Variants in SLC24A2 observed in about 807,000 individuals in gnomAD.
SLC24A2 encodes the protein sodium/potassium/calcium exchanger 2.
Under a neutral mutation model 62.0 loss-of-function variants are expected in SLC24A2, and 36 were observed. The observed-to-expected ratio is 0.58, with a 90% confidence interval of 0.44 to 0.77. The LOEUF is 0.77. Ranked by LOEUF, SLC24A2 falls within the 30% of genes least tolerant of loss-of-function variation. The pLI is 0.00. For synonymous variants in SLC24A2, 358 were observed against 294.0 expected, an observed-to-expected ratio of 1.22 and a Z score of -2.23; for missense variants, 846 against 817.9, an observed-to-expected ratio of 1.03 and a Z score of -0.42.
At chr9:19,839,893 T>G in the SLC24A2 span, among the ~76,000 whole-genome samples, 8 of 152,332 alleles carry the variant, frequency 5.3e-5, no homozygotes, top group African/African-American at 1.7e-4. Flanking sequence ...GCATATACTG[T>G]ACAGGTTTGT....
the SLC24A2 span, among the ~76,000 whole-genome samples, chr9:20,261,760 G>C: frequency 2.6e-4 from 9 of 33,972 alleles, no homozygotes; most frequent in African/African-American, 1.7e-3. Flanking sequence ...TTTTTTTTGA[G>C]ACTGAGTCTC....
intron 9 of SLC24A2, among the ~76,000 whole-genome samples, chr9:19,527,339 T>A (rs756877003): frequency 1.3e-5 from 2 of 152,338 alleles, no homozygotes; most frequent in East Asian, 1.9e-4. Context: ...CTTAACTTCT[T>A]TATCTGTAAA....
chr9:20,012,601 C>G, the SLC24A2 span, among the ~76,000 whole-genome samples: 36 of 152,102 alleles, frequency 2.4e-4, no homozygotes, highest in Admixed American at 2.4e-3. Flanking sequence ...AAAATTGTCT[C>G]TATTGGATGA....
chr9:19,829,695 T>C, the SLC24A2 span, among the ~76,000 whole-genome samples: 2 of 151,270 alleles, frequency 1.3e-5, no homozygotes, highest in Non-Finnish European at 2.9e-5. Context: ...TGTACCACTG[T>C]TCCAGGCTGG....
At chr9:19,934,429 C>T in the SLC24A2 span, among the ~76,000 whole-genome samples, 1 of 152,110 alleles carries the variant, frequency 6.6e-6, no homozygotes, top group African/African-American at 2.4e-5. The surrounding 1 kb of genome is among the most constrained non-coding windows in gnomAD (Gnocchi z 4.1). Context: ...CCCGGACCCC[C>T]GCGCACCCCC....
At chr9:19,719,202 C>T (rs950671586) in intron 2 of SLC24A2, among the ~76,000 whole-genome samples, 25 of 152,148 alleles carry the variant, frequency 1.6e-4, no homozygotes, top group African/African-American at 6.0e-4. Flanking sequence ...CACTCTTTTC[C>T]TTGGTTACTA....
At chr9:20,029,740 G>A in the SLC24A2 span, among the ~76,000 whole-genome samples, 1 of 152,338 alleles carries the variant, frequency 6.6e-6, no homozygotes, top group South Asian at 2.1e-4. Context: ...TTCCATGTTA[G>A]AAGCAGCATT....
the SLC24A2 span, among the ~76,000 whole-genome samples, chr9:20,024,524 G>A: frequency 3.3e-5 from 5 of 152,118 alleles, no homozygotes; most frequent in Non-Finnish European, 4.4e-5. Flanking sequence ...TAATTGGTTC[G>A]CACTCAGCCC....
chr9:20,164,666 T>G, the SLC24A2 span, among the ~76,000 whole-genome samples: 1 of 151,976 alleles, frequency 6.6e-6, no homozygotes, highest in East Asian at 2.0e-4. Context: ...ATCATGCTGC[T>G]ATAAAGACAC....
the SLC24A2 span, among the ~76,000 whole-genome samples, chr9:20,003,142 G>A: frequency 2.0e-5 from 3 of 152,166 alleles, no homozygotes; most frequent in Non-Finnish European, 4.4e-5. Flanking sequence ...TATATGAGAG[G>A]ATTCCCCCAA....
chr9:19,583,562 T>C (rs571718030), intron 5 of SLC24A2, among the ~76,000 whole-genome samples: 1 of 152,264 alleles, frequency 6.6e-6, no homozygotes, highest in Admixed American at 6.5e-5. Context: ...GTGTTCATGG[T>C]TTCTAGGCAA....
chr9:20,011,671 T>C, the SLC24A2 span, among the ~76,000 whole-genome samples: 4 of 152,102 alleles, frequency 2.6e-5, no homozygotes, highest in Non-Finnish European at 5.9e-5. Flanking sequence ...ATTTCCCAAT[T>C]TGGGGAAAGA....
chr9:19,942,506 G>C, the SLC24A2 span, among the ~76,000 whole-genome samples: 2 of 152,150 alleles, frequency 1.3e-5, no homozygotes, highest in African/African-American at 4.8e-5. Flanking sequence ...CACAATCCAG[G>C]TGGTGGGTAC....
chr9:19,994,654 G>A, the SLC24A2 span, among the ~76,000 whole-genome samples: 1 of 152,158 alleles, frequency 6.6e-6, no homozygotes, highest in Non-Finnish European at 1.5e-5. Context: ...TTGGCAAGCA[G>A]AGTGGCTTCC....
Position 19,586,599 on chromosome 9 carries a change from T to A in SLC24A2, c.1130-9577A>T, listed in dbSNP as rs147613936. 3.1e-3 allele frequency among the ~76,000 whole-genome samples: 471 copies of A among 152,136 alleles called. 2 individuals carry two copies. The highest frequency in any genetic ancestry group is 0.011 in the African/African-American group (444 of 41,494). The stretch of plus-strand genomic sequence containing the variant: ...TATTTTAATACCCCCTCCCTTTTTT[T>A]ATAAAAAGATAATCTAATTGAGTTC... On this transcript the variant is annotated intron_variant, in intron 5 of 10. Coordinates refer to ENST00000341998, the MANE Select transcript of SLC24A2 (RefSeq NM_020344.4).
intron 5 of SLC24A2, among the ~76,000 whole-genome samples, chr9:19,595,232 C>T (rs1299857483): frequency 6.6e-6 from 1 of 152,240 alleles, no homozygotes; most frequent in African/African-American, 2.4e-5. Context: ...TTAAACTTAA[C>T]TCAGAAGCTC....
At chr9:19,848,644 A>C in the SLC24A2 span, among the ~76,000 whole-genome samples, 10 of 152,330 alleles carry the variant, frequency 6.6e-5, no homozygotes, top group South Asian at 2.1e-4. Flanking sequence ...AATAAGCATT[A>C]CAAGTGAATA....
chr9:19,727,788 G>C (rs535836161), intron 2 of SLC24A2, among the ~76,000 whole-genome samples: 38 of 152,180 alleles, frequency 2.5e-4, no homozygotes, highest in South Asian at 8.3e-4. Context: ...TCTCAGCAAA[G>C]GTCTGATCAG....
chr9:20,196,515 G>A, the SLC24A2 span, among the ~76,000 whole-genome samples: 7 of 152,094 alleles, frequency 4.6e-5, no homozygotes, highest in South Asian at 2.1e-4. Context: ...TCGGGATTTA[G>A]GACTTATCTA....
Sources: gnomAD v4.1 joint callset for allele counts (sites outside exome capture counted in the v4.1 genomes callset) on GRCh38, gnomAD v4.1.1 for gene constraint, Gnocchi (gnomAD v3.1) non-coding constraint, MANE v1.5 for transcripts, NCBI Gene and HGNC (gene_info 2026-07-23, HGNC 2026-07-21) for gene names.